Variants in NBEA observed in about 807,000 individuals in gnomAD.
NBEA encodes lysosomal-trafficking regulator 2.
In NBEA, 44 loss-of-function variants were observed where a neutral mutation model predicts 343.4. The observed-to-expected ratio is 0.13, with a 90% CI of 0.10 to 0.16. NBEA has a LOEUF of 0.16. Ranked by LOEUF, NBEA falls within the 10% of genes least tolerant of loss-of-function variation. The probability of loss-of-function intolerance (pLI) is 1.00; values close to 1 mark genes in which losing one functional copy is unlikely to be tolerated. For missense variants in NBEA, 2,555 were observed against 3,631.3 expected (o/e 0.70, Z 7.62); for synonymous variants, 1,175 against 1,238.7 (o/e 0.95, Z 1.08).
At chr13:35,182,660 T>C (rs1041680918) in intron 29 of NBEA, 132 bp downstream of exon 29, 1 of 830,972 alleles carries the variant, frequency 1.2e-6, no homozygotes. Flanking sequence ...ATAGAAATGC[T>C]AATTTAGTAT....
At chr13:35,206,382 G>A (rs368659413) in intron 31 of NBEA, among the ~76,000 whole-genome samples, 3 of 152,124 alleles carry the variant, frequency 2.0e-5, no homozygotes, top group South Asian at 2.1e-4. Context: ...AAACATCTTT[G>A]TGTCTGCTGT....
At chr13:35,219,949 A>G (rs2074272494) in intron 33 of NBEA, among the ~76,000 whole-genome samples, 1 of 152,158 alleles carries the variant, frequency 6.6e-6, no homozygotes, top group Non-Finnish European at 1.5e-5. Context: ...TCATACCCAG[A>G]GTGCTGTTTA....
At chr13:35,525,297 A>G (rs1391638590) in intron 41 of NBEA, among the ~76,000 whole-genome samples, 3 of 152,214 alleles carry the variant, frequency 2.0e-5, no homozygotes, top group Admixed American at 2.0e-4. Flanking sequence ...CACGCCTGTA[A>G]TCCTAGCACT....
At chr13:35,248,021 G>T (rs1205958083) in intron 34 of NBEA, among the ~76,000 whole-genome samples, 1 of 152,146 alleles carries the variant, frequency 6.6e-6, no homozygotes, top group Non-Finnish European at 1.5e-5. Flanking sequence ...GAGGAAGTGA[G>T]TAAGTTCCTG....
At chr13:35,174,799 T>C (rs897091977) in intron 27 of NBEA, among the ~76,000 whole-genome samples, 1 of 151,422 alleles carries the variant, frequency 6.6e-6, no homozygotes, top group African/African-American at 2.4e-5. Context: ...CAGAGTAATT[T>C]TTTTTTTTTT....
chr13:35,182,897 A>G (rs1269144017), intron 29 of NBEA, among the ~76,000 whole-genome samples: 1 of 152,016 alleles, frequency 6.6e-6, no homozygotes, highest in Non-Finnish European at 1.5e-5. Flanking sequence ...TGCCAAGGGT[A>G]AGCCAAAATA....
intron 31 of NBEA, among the ~76,000 whole-genome samples, chr13:35,202,378 A>G (rs781658057): frequency 6.6e-6 from 1 of 152,138 alleles, no homozygotes; most frequent in African/African-American, 2.4e-5. Context: ...ACTTAGTGTA[A>G]TCCCCTGTTA....
intron 34 of NBEA, among the ~76,000 whole-genome samples, chr13:35,272,716 A>C (rs1237237973): frequency 2.0e-5 from 3 of 152,228 alleles, no homozygotes; most frequent in Non-Finnish European, 4.4e-5. Flanking sequence ...CTAGTCTCTG[A>C]TAAAACAGAC....
intron 33 of NBEA, among the ~76,000 whole-genome samples, chr13:35,228,661 C>A (rs1468210034): frequency 2.7e-5 from 4 of 146,660 alleles, no homozygotes; most frequent in Non-Finnish European, 6.1e-5. Flanking sequence ...CTGTTTGAGT[C>A]ACTTAAGATA....
chr13:35,038,519 C>T (rs887158294), intron 1 of NBEA, among the ~76,000 whole-genome samples: 2 of 151,734 alleles, frequency 1.3e-5, no homozygotes, highest in Non-Finnish European at 2.9e-5. Context: ...AGGCCCTCAG[C>T]GTAGTACCTT....
intron 1 of NBEA, among the ~76,000 whole-genome samples, chr13:34,945,496 A>T (rs2059159697): frequency 6.6e-6 from 1 of 152,144 alleles, no homozygotes; most frequent in South Asian, 2.1e-4. Flanking sequence ...TAAGTAAACC[A>T]ATAAAATTCA....
chr13:35,375,174 C>T (rs2041668150), intron 38 of NBEA, among the ~76,000 whole-genome samples: 1 of 152,152 alleles, frequency 6.6e-6, no homozygotes, highest in African/African-American at 2.4e-5. Context: ...GCAGTACACA[C>T]ACAACTTTTG....
intron 34 of NBEA, among the ~76,000 whole-genome samples, chr13:35,250,239 A>T (rs2031791478): frequency 6.6e-6 from 1 of 152,206 alleles, no homozygotes; most frequent in African/African-American, 2.4e-5. Context: ...ATTAAAGTGA[A>T]AAGTTTACCC....
chr13:35,357,544 G>A (rs207473676), intron 38 of NBEA, among the ~76,000 whole-genome samples: 3 of 152,172 alleles, frequency 2.0e-5, no homozygotes, highest in South Asian at 2.1e-4. Flanking sequence ...GTGAGAACAC[G>A]TGGGATTTGG....
rs774707733 is a variant in NBEA, at chr13:35,168,981, G to A, written c.4234-6G>A. ...CTGTTGTCTGTTTTGTCTAATGCATGTCCAGGGTTCTAAGGTTAGTATTAC... is the reference window on the plus strand; with the variant it reads ...CTGTTGTCTGTTTTGTCTAATGCATATCCAGGGTTCTAAGGTTAGTATTAC... On this transcript the variant is annotated splice_polypyrimidine_tract_variant and splice_region_variant and intron_variant, in intron 24 of 58. Coordinates refer to ENST00000379939, the MANE Select transcript of NBEA (RefSeq NM_001385012.1). 6.7e-7 allele frequency: 1 copy of A among 1,488,008 alleles called. No individual in the cohort carries two copies. Among genetic ancestry groups the A allele is most frequent in the East Asian group, 2.4e-5 (1 of 40,924 alleles). The allele number at this position is 1,488,008 out of a possible 1,614,324, so 92.2% of individuals were successfully genotyped here. A position where few individuals can be genotyped will look rare whatever the true frequency, so the allele number is the denominator to read the frequency against.
intron 39 of NBEA, among the ~76,000 whole-genome samples, chr13:35,446,125 G>A (rs559432282): frequency 6.6e-6 from 1 of 151,864 alleles, no homozygotes; most frequent in Non-Finnish European, 1.5e-5. Flanking sequence ...CTTCATCCAT[G>A]TCCCTACAAA....
At chr13:35,150,232 A>G (rs1218634341) in intron 18 of NBEA, among the ~76,000 whole-genome samples, 1 of 152,250 alleles carries the variant, frequency 6.6e-6, no homozygotes, top group Non-Finnish European at 1.5e-5. Flanking sequence ...TAATGAATGC[A>G]TATTCTAAAA....
chr13:35,441,534 G>A (rs767387914), intron 39 of NBEA, among the ~76,000 whole-genome samples: 15 of 152,008 alleles, frequency 9.9e-5, no homozygotes, highest in Non-Finnish European at 2.1e-4. Context: ...TGTCATTAAT[G>A]CCACCTTAAT....
intron 38 of NBEA, among the ~76,000 whole-genome samples, chr13:35,393,614 C>A (rs1465282661): frequency 6.6e-6 from 1 of 151,754 alleles, no homozygotes; most frequent in African/African-American, 2.4e-5. Flanking sequence ...ATGGAAAATT[C>A]AGGTACCATT....
Sources: allele counts gnomAD v4.1 joint callset (sites outside exome capture counted in the v4.1 genomes callset), GRCh38; gene constraint gnomAD v4.1.1; transcripts MANE v1.5; gene names NCBI Gene and HGNC (gene_info 2026-07-23, HGNC 2026-07-21).